Variants in TBC1D13 observed in about 807,000 individuals in gnomAD.
TBC1D13 encodes the protein TBC1 domain family member 13.
Under a neutral mutation model 53.6 loss-of-function variants are expected in TBC1D13, and 40 were observed. The ratio of observed to expected loss-of-function variants is 0.75; its 90% confidence interval spans 0.58 to 0.97. TBC1D13 has a LOEUF of 0.97. TBC1D13 is among the 50% of genes least tolerant of loss of function. TBC1D13 has a pLI of 0.00. For synonymous variants in TBC1D13, 182 were observed against 197.7 expected, an observed-to-expected ratio of 0.92 and a Z score of 0.67; for missense variants, 377 against 499.4, an observed-to-expected ratio of 0.75 and a Z score of 2.34.
chr9:128,789,502 A>C (rs1429413700), intron 2 of TBC1D13, among the ~76,000 whole-genome samples: 1 of 151,962 alleles, frequency 6.6e-6, no homozygotes, highest in African/African-American at 2.4e-5. Context: ...TATAGGCCCC[A>C]AAGGAGAGGC....
In TBC1D13 at chr9:128,792,485, C is replaced by T. The variant is rs757292390; in HGVS notation, c.301-7C>T. The stretch of plus-strand genomic sequence containing the variant: ...CTTGGACAGAGCATCTTCATTTCTC[C>T]CCACAGCCACTCAACCCCAACCCTG... On this transcript the variant is annotated splice_polypyrimidine_tract_variant and splice_region_variant and intron_variant, in intron 5 of 11. Transcript: ENST00000372648. The T allele has an allele frequency of 6.2e-7, 1 of 1,613,924 alleles. No homozygotes were observed. The highest frequency in any genetic ancestry group is 1.7e-5 in the Admixed American group (1 of 59,994).
In TBC1D13 at chr9:128,798,376, G is replaced by A. The variant is rs553417038; in HGVS notation, c.543+1162G>A. On this transcript the variant is annotated intron_variant, in intron 7 of 11. Transcript: ENST00000372648. ...CACGGGGTGGCTAGAAGCAGAGAGC[G>A]AGTGAAGAGGTTGGTGCTGGTAAGG... Among the ~76,000 whole-genome samples, 34 of 152,330 alleles carry A rather than the reference G, an allele frequency of 2.2e-4. No homozygotes were observed. In the South Asian group the frequency reaches 6.6e-3, roughly 30 times the overall value.
chr9:128,796,430 T>A (rs554982002), intron 6 of TBC1D13, among the ~76,000 whole-genome samples: 1 of 152,188 alleles, frequency 6.6e-6, no homozygotes, highest in South Asian at 2.1e-4. Flanking sequence ...TGTATTTTTT[T>A]AGTAGAAACG....
Position 128,791,436 on chromosome 9 carries a change from G to A in TBC1D13, c.195G>A (p.Lys65=), listed in dbSNP as rs757675942. ...CCTCATGGACCTCCATCCTGGCCAA[G>A]CAGAGGTGAGACCCCGTGTAAGGGC... ...ERASWTSILA[K]QRELYAQFLR... The change falls in exon 4 of 12, where the codon AAG becomes AAA. Residue 65 remains lysine, a synonymous_variant. Transcript: ENST00000372648. 5.0e-6 allele frequency: 8 copies of A among 1,614,182 alleles called. No homozygotes were observed. Among genetic ancestry groups the A allele is most frequent in the Non-Finnish European group, 5.9e-6 (7 of 1,180,026 alleles).
chr9:128,787,608 G>A (rs1829447394), intron 1 of TBC1D13, among the ~76,000 whole-genome samples: 1 of 151,668 alleles, frequency 6.6e-6, no homozygotes, highest in South Asian at 2.1e-4. Context: ...CTGGACCCCT[G>A]GTGTCCCCCT....
intron 7 of TBC1D13, among the ~76,000 whole-genome samples, chr9:128,797,847 C>G (rs1012651075): frequency 2.1e-4 from 32 of 152,204 alleles, no homozygotes; most frequent in African/African-American, 7.2e-4. Flanking sequence ...ATGGCCCATG[C>G]CTGTAATCCC....
At chr9:128,792,152 A>C (rs892275405) in intron 5 of TBC1D13, among the ~76,000 whole-genome samples, 2 of 152,196 alleles carry the variant, frequency 1.3e-5, no homozygotes, top group African/African-American at 4.8e-5. Context: ...GAAGAAACCA[A>C]ATTCATTCAT....
intron 11 of TBC1D13, 125 bp downstream of exon 11, chr9:128,806,436 G>A: frequency 9.0e-7 from 1 of 1,108,444 alleles, no homozygotes; most frequent in South Asian, 1.3e-5. Flanking sequence ...TTAAAGTCCA[G>A]ACCCCTGAGC....
At chr9:128,807,487 C>CACTGGCCCAGTCCT (rs1275290339) in intron 11 of TBC1D13, among the ~76,000 whole-genome samples, 2 of 152,216 alleles carry the variant, frequency 1.3e-5, no homozygotes, top group African/African-American at 4.8e-5. Context: ...GATGCTCAGA[C>CACTGGCCCAGTCCT]ACTGGCCCAG....
At chr9:128,795,126 G>A (rs967678205) in intron 6 of TBC1D13, among the ~76,000 whole-genome samples, 33 of 150,530 alleles carry the variant, frequency 2.2e-4, no homozygotes, top group African/African-American at 7.1e-4. Context: ...CTTGATCTTA[G>A]CTCACTGAAG....
At position 128,808,046 on chromosome 9, in the gene TBC1D13, C is replaced by T. The variant is rs577334703; in HGVS notation, c.*167C>T. The T allele has an allele frequency of 2.0e-3, 1,245 of 622,634 alleles. 8 individuals are homozygous for T. In the East Asian group the frequency reaches 0.021, roughly 10 times the overall value. 38.6% of individuals were successfully genotyped at this position (622,634 alleles called of 1,614,324 possible). A position where few individuals can be genotyped will look rare whatever the true frequency, so the allele number is the denominator to read the frequency against. ...ACACACTGTGCCGTGCTCCTTCTGC[C>T]GCCACGCCCAGCTCCCCACCTGCCC... On this transcript the variant is annotated 3_prime_UTR_variant, in exon 12 of 12. Coordinates refer to ENST00000372648, the MANE Select transcript of TBC1D13 (RefSeq NM_018201.5).
rs1310174583 is a variant in TBC1D13, at chr9:128,787,318, C to T, written c.-36C>T. On this transcript the variant is annotated 5_prime_UTR_variant, in exon 1 of 12. Transcript: ENST00000372648. ...GCAGCGCAGGCGGCAGAGGCGCAGG[C>T]GGCGGAGGCGGCTGGGGGGTCCGGA... 1.6e-6 allele frequency: 2 copies of T among 1,255,772 alleles called. No individual in the cohort carries two copies. Among genetic ancestry groups the T allele is most frequent in the East Asian group, 3.1e-5 (1 of 32,048 alleles). 77.8% of individuals were successfully genotyped at this position (1,255,772 alleles called of 1,614,324 possible).
intron 2 of TBC1D13, among the ~76,000 whole-genome samples, chr9:128,788,859 T>A (rs1829477808): frequency 6.6e-6 from 1 of 152,220 alleles, no homozygotes. Context: ...AAACCTTGGC[T>A]AGTGGTAAAA....
At chr9:128,799,616 C>T (rs915379979) in intron 7 of TBC1D13, among the ~76,000 whole-genome samples, 8 of 151,992 alleles carry the variant, frequency 5.3e-5, no homozygotes, top group African/African-American at 1.5e-4. Flanking sequence ...AGGAGTGGCC[C>T]GACATTTCTG....
chr9:128,789,694 T>C (rs1034255562), intron 2 of TBC1D13, among the ~76,000 whole-genome samples: 42 of 152,064 alleles, frequency 2.8e-4, no homozygotes, highest in Admixed American at 9.2e-4. Flanking sequence ...ATCTTCTATG[T>C]GCAGTGCTCT....
chr9:128,791,648 G>A lies in TBC1D13; in HGVS notation c.255G>A (p.Lys85=). 2 of 1,614,230 alleles carry A rather than the reference G, an allele frequency of 1.2e-6. No individual in the cohort carries two copies. The highest frequency in any genetic ancestry group is 1.7e-6 in the Non-Finnish European group (2 of 1,180,042). ...TGATCATCCAGCCTGGCATTGCCAA[G>A]GCCAACATGGGTGTGTCCAGGGAGG... The part of the protein sequence containing the change: ...REMIIQPGIA[K]ANMGVSREDV... Residue 85 remains lysine (K), a synonymous_variant, in exon 5 of 12, where the codon AAG becomes AAA. Coordinates refer to ENST00000372648, the MANE Select transcript of TBC1D13 (RefSeq NM_018201.5).
In TBC1D13 at chr9:128,803,335, T is replaced by A. The variant is rs1182614271; in HGVS notation, c.629T>A (p.Val210Glu). Residue 210 changes from valine to glutamate, a missense_variant, in exon 8 of 12, where the codon GTG becomes GAG. Physicochemically the swap from Val to Glu is moderately radical, Grantham distance 121. Coordinates refer to ENST00000372648, the MANE Select transcript of TBC1D13 (RefSeq NM_018201.5). ...AATGGCTGTGAGGCCCACTGGGAGG[T>A]GGTGGAGCGGATCCTGTTCATCTAC... ...LPNGCEAHWE[V>E]VERILFIYAK... 1 of 1,613,706 alleles carries A rather than the reference T, an allele frequency of 6.2e-7. No individual in the cohort carries two copies. Among genetic ancestry groups the A allele is most frequent in the Non-Finnish European group, 8.5e-7 (1 of 1,179,984 alleles).
At chr9:128,806,544 C>T (rs1829837793) in intron 11 of TBC1D13, among the ~76,000 whole-genome samples, 1 of 152,228 alleles carries the variant, frequency 6.6e-6, no homozygotes, top group Admixed American at 6.5e-5. Context: ...ACCGTGTACT[C>T]TACGTAGGTG....
rs778663784 is a variant in TBC1D13 at position 128,791,615 on chromosome 9, G to T, written c.222G>T (p.Leu74=). The change falls in exon 5 of 12, where the codon CTG becomes CTT. Residue 74 remains leucine, a synonymous_variant. Coordinates refer to ENST00000372648, the MANE Select transcript of TBC1D13 (RefSeq NM_018201.5). The part of the protein sequence containing the change: ...AKQRELYAQF[L]REMIIQPGIA... ...GCAGGGAGCTGTATGCCCAGTTCCT[G>T]AGGGAAATGATCATCCAGCCTGGCA... 1.1e-5 allele frequency: 17 copies of T among 1,614,120 alleles called. No individual in the cohort carries two copies. Among genetic ancestry groups the T allele is most frequent in the Middle Eastern group, 3.3e-4 (2 of 6,084 alleles).
Sources: allele counts gnomAD v4.1 joint callset (sites outside exome capture counted in the v4.1 genomes callset), GRCh38; gene constraint gnomAD v4.1.1; transcripts MANE v1.5; gene names NCBI Gene and HGNC (gene_info 2026-07-23, HGNC 2026-07-21).